The following EPM2A variants were observed in gnomAD, a reference collection of about 807,000 sequenced individuals.
EPM2A encodes the protein EPM2A glucan phosphatase, laforin, also known as laforin.
In EPM2A, 21 loss-of-function variants were observed where a neutral mutation model predicts 26.5. The observed-to-expected ratio is 0.79, with a 90% CI of 0.56 to 1.14. The LOEUF is 1.14. Among genes scored for constraint, EPM2A ranks in the 50% most tolerant of loss-of-function variants. The pLI, the probability that EPM2A is intolerant of heterozygous loss-of-function variation, is 0.00. For synonymous variants in EPM2A, 217 were observed against 177.6 expected (o/e 1.22, Z -1.76); for missense variants, 458 against 440.8 (o/e 1.04, Z -0.35).
intron 2 of EPM2A, among the ~76,000 whole-genome samples, chr6:145,684,528 C>T (rs1386774027): frequency 6.6e-6 from 1 of 152,130 alleles, no homozygotes; most frequent in African/African-American, 2.4e-5. Context: ...AACCAGGGCT[C>T]AATATTTTTG....
At chr6:145,490,977 T>C in intron 4 of EPM2A, 1 of 891,240 alleles carries the variant, frequency 1.1e-6, no homozygotes, top group Non-Finnish European at 1.8e-6. Flanking sequence ...CCTCTAATGT[T>C]TTGATGCCTT....
chr6:145,541,929 C>A (rs450973), intron 2 of EPM2A, among the ~76,000 whole-genome samples: 83,094 of 151,406 alleles, frequency 0.55, 23,443 homozygotes, highest in African/African-American at 0.69. Context: ...TTTTTCTTAC[C>A]TTTTTTTTAA....
At chr6:145,671,671 A>G (rs1267125564) in intron 2 of EPM2A, among the ~76,000 whole-genome samples, 1 of 152,234 alleles carries the variant, frequency 6.6e-6, no homozygotes, top group Non-Finnish European at 1.5e-5. Flanking sequence ...CTAGCTCCTT[A>G]GTCTGTCTCC....
intron 2 of EPM2A, among the ~76,000 whole-genome samples, chr6:145,680,281 T>C (rs1780406230): frequency 6.6e-6 from 1 of 151,662 alleles, no homozygotes. Context: ...AATCAAAAAC[T>C]AAAATGTAAC....
chr6:145,672,183 G>A (rs1450815534), intron 2 of EPM2A, among the ~76,000 whole-genome samples: 2 of 152,124 alleles, frequency 1.3e-5, no homozygotes, highest in Non-Finnish European at 2.9e-5. Context: ...GCTAAATGTG[G>A]ATTTAATATT....
At chr6:145,701,640 T>A (rs1781915385) in intron 1 of EPM2A, among the ~76,000 whole-genome samples, 1 of 152,198 alleles carries the variant, frequency 6.6e-6, no homozygotes. Context: ...ATTCCATTGC[T>A]ACCTAAAGAA....
chr6:145,579,790 T>G (rs1219640775), intron 2 of EPM2A, among the ~76,000 whole-genome samples: 1 of 152,136 alleles, frequency 6.6e-6, no homozygotes, highest in Non-Finnish European at 1.5e-5. Flanking sequence ...TTTCTGTCTT[T>G]TGGATTAATT....
intron 2 of EPM2A, among the ~76,000 whole-genome samples, chr6:145,562,908 A>AG (rs1350485471): frequency 6.6e-6 from 1 of 151,490 alleles, no homozygotes; most frequent in Non-Finnish European, 1.5e-5. Context: ...GGCCTGTCTG[A>AG]GGGGGTGTGT....
chr6:145,604,638 T>G (rs1294984663), intron 2 of EPM2A, among the ~76,000 whole-genome samples: 3 of 152,148 alleles, frequency 2.0e-5, no homozygotes, highest in Non-Finnish European at 4.4e-5. Context: ...AAATAATTAA[T>G]GAGCAATACT....
chr6:145,502,070 C>A (rs1779897878), intron 3 of EPM2A, among the ~76,000 whole-genome samples: 1 of 152,132 alleles, frequency 6.6e-6, no homozygotes, highest in African/African-American at 2.4e-5. Flanking sequence ...TCTAATTGGA[C>A]ATTGGGAGAA....
At chr6:145,603,342 T>C (rs902213932) in intron 2 of EPM2A, among the ~76,000 whole-genome samples, 1 of 151,836 alleles carries the variant, frequency 6.6e-6, no homozygotes, top group Non-Finnish European at 1.5e-5. Context: ...ATTGTCAAAG[T>C]AATTGGATGA....
intron 1 of EPM2A, chr6:145,721,632 G>C (rs1775954819): frequency 6.6e-6 from 1 of 152,136 alleles, no homozygotes. Flanking sequence ...CTTTCTGCAA[G>C]CACAATTCAT....
intron 2 of EPM2A, among the ~76,000 whole-genome samples, chr6:145,573,011 C>T (rs181886659): frequency 7.9e-5 from 12 of 152,282 alleles, no homozygotes; most frequent in African/African-American, 2.9e-4. Context: ...CTCAACAGGC[C>T]CCACACCACT....
chr6:145,494,416 A>AT (rs1305675787), intron 4 of EPM2A, among the ~76,000 whole-genome samples: 10 of 151,388 alleles, frequency 6.6e-5, no homozygotes, highest in East Asian at 3.9e-4. Context: ...CTATTTAATT[A>AT]TTTTTTCTCA....
chr6:145,413,162 A>G (rs1374914110), intron 4 of EPM2A, among the ~76,000 whole-genome samples: 1 of 152,250 alleles, frequency 6.6e-6, no homozygotes, highest in Non-Finnish European at 1.5e-5. Flanking sequence ...GACTACATTG[A>G]ATCAGTTTAA....
At chr6:145,588,984 C>T (rs181876949) in intron 2 of EPM2A, among the ~76,000 whole-genome samples, 1 of 152,302 alleles carries the variant, frequency 6.6e-6, no homozygotes, top group African/African-American at 2.4e-5. Context: ...AGAGAAGCTA[C>T]TACCCCCAGG....
intron 4 of EPM2A, among the ~76,000 whole-genome samples, chr6:145,479,322 T>G (rs760273422): frequency 2.7e-5 from 4 of 148,424 alleles, no homozygotes; most frequent in Non-Finnish European, 4.5e-5. Context: ...TATGTGTATA[T>G]ATATATATAT....
In EPM2A at chr6:145,504,141, C is replaced by G. The variant is rs2114754718; in HGVS notation, c.341-1566G>C. On this transcript the variant is annotated intron_variant, in intron 2 of 3. Transcript: ENST00000450221. ...CGTTAGACCTAAAACCATAAAAACCCTAGAAGAAAACCTAGGCATTACCAT... is the reference window on the plus strand; with the variant it reads ...CGTTAGACCTAAAACCATAAAAACCGTAGAAGAAAACCTAGGCATTACCAT... Among the ~76,000 whole-genome samples the G allele has an allele frequency of 1.5e-5, 2 of 134,918 alleles. 1 individual carries two copies. The highest frequency in any genetic ancestry group is 7.6e-3 in the Middle Eastern group (2 of 262). 88.5% of individuals were successfully genotyped at this position (134,918 alleles called of 152,430 possible).
chr6:145,427,023 T>C (rs1216396762), intron 4 of EPM2A, among the ~76,000 whole-genome samples: 1 of 152,222 alleles, frequency 6.6e-6, no homozygotes, highest in African/African-American at 2.4e-5. Flanking sequence ...TTTTTCTTTA[T>C]ATTTGGTGGC....
Sources: allele counts gnomAD v4.1 joint callset (sites outside exome capture counted in the v4.1 genomes callset), GRCh38; gene constraint gnomAD v4.1.1; transcripts MANE v1.5; gene names NCBI Gene and HGNC (gene_info 2026-07-23, HGNC 2026-07-21).